GALNT18: variants seen among roughly 807,000 people sequenced by gnomAD.
The protein encoded by GALNT18 is polypeptide N-acetylgalactosaminyltransferase 18.
Under a neutral mutation model 69.5 loss-of-function variants are expected in GALNT18, and 44 were observed. The observed-to-expected ratio is 0.63, with a 90% CI of 0.50 to 0.81. The LOEUF (loss-of-function observed/expected upper bound fraction) is 0.81, where lower values mean the gene tolerates loss of function less well. GALNT18 is among the 40% of genes least tolerant of loss of function. The pLI is 0.00. For synonymous variants in GALNT18, 364 were observed against 318.2 expected, an observed-to-expected ratio of 1.14 and a Z score of -1.53; for missense variants, 715 against 810.0, an observed-to-expected ratio of 0.88 and a Z score of 1.42.
chr11:11,529,562 T>C (rs935884184), intron 1 of GALNT18, among the ~76,000 whole-genome samples: 1 of 152,154 alleles, frequency 6.6e-6, no homozygotes, highest in Non-Finnish European at 1.5e-5. Flanking sequence ...AGCTTACCAA[T>C]TTCAGATCTT....
In GALNT18 at chr11:11,314,843, G is replaced by A. The variant is rs982553456; in HGVS notation, c.1512+12243C>T. Among the ~76,000 whole-genome samples the A allele has an allele frequency of 8.1e-6, 1 of 123,436 alleles. No homozygotes were observed. The highest frequency in any genetic ancestry group is 1.9e-5 in the Non-Finnish European group (1 of 51,454). The allele number at this position is 123,436 out of a possible 152,430, so 81.0% of individuals were successfully genotyped here. A position where few individuals can be genotyped will look rare whatever the true frequency, so the allele number is the denominator to read the frequency against. ...CCCAGCCTTCGCCGTGGGAGCAGTT[G>A]CTCCTGGCTGTGACATAGTAAAACC... On this transcript the variant is annotated intron_variant, in intron 9 of 10. Coordinates refer to ENST00000227756, the MANE Select transcript of GALNT18 (RefSeq NM_198516.3). This position sits in a 1 kb window ranked among gnomAD's most constrained non-coding sequence, Gnocchi z 5.2.
At chr11:11,273,924 C>T (rs1319241403) in intron 10 of GALNT18, among the ~76,000 whole-genome samples, 1 of 152,144 alleles carries the variant, frequency 6.6e-6, no homozygotes, top group African/African-American at 2.4e-5. Flanking sequence ...CTCCGGTCTG[C>T]AGCTCTAAGA....
In GALNT18 at chr11:11,273,243, ACAAT is replaced by A. The variant is rs754215688; in HGVS notation, c.1678-1957_1678-1954del. Among the ~76,000 whole-genome samples the A allele has an allele frequency of 8.4e-4, 110 of 130,216 alleles. 1 individual carries two copies. The highest frequency in any genetic ancestry group is 4.1e-3 in the Middle Eastern group (1 of 242). The allele number at this position is 130,216 out of a possible 152,430, so 85.4% of individuals were successfully genotyped here. ...AAAAAGCTTCTGCACAGCAAAGGAAACAATCAAAGTAAAGAGACAGCCCACAGAA... is the reference window on the plus strand; with the variant it reads ...AAAAAGCTTCTGCACAGCAAAGGAAACAAAGTAAAGAGACAGCCCACAGAA... On this transcript the variant is annotated intron_variant, in intron 10 of 10. Coordinates refer to ENST00000227756, the MANE Select transcript of GALNT18 (RefSeq NM_198516.3).
Position 11,332,678 on chromosome 11 carries a change from G to A in GALNT18, c.1416+16C>T. ...GTCTGTGTCTGAATGAAACCCGGAG[G>A]AGGCCAGCTCCTTACCACTCCATAG... On this transcript the variant is annotated intron_variant, in intron 8 of 10. Coordinates refer to ENST00000227756, the MANE Select transcript of GALNT18 (RefSeq NM_198516.3). This position sits in a 1 kb window ranked among gnomAD's most constrained non-coding sequence, Gnocchi z 4.3. 1.9e-6 allele frequency: 3 copies of A among 1,613,088 alleles called. No individual in the cohort carries two copies. The highest frequency in any genetic ancestry group is 1.1e-5 in the South Asian group (1 of 91,016).
chr11:11,544,020 G>A lies in GALNT18; in HGVS notation c.235+77339C>T, dbSNP rs961243622. On this transcript the variant is annotated intron_variant, in intron 1 of 10. Transcript: ENST00000227756. ...GGATTTTGGGGCCCTGCAATAGTGC[G>A]CACAAGGCTTCCTCGTCAGCACTGA... 2.6e-5 allele frequency among the ~76,000 whole-genome samples: 4 copies of A among 152,292 alleles called. No individual in the cohort carries two copies. The East Asian group carries it at 5.8e-4, about 22-fold the overall frequency.
Position 11,598,994 on chromosome 11 carries a change from C to T in GALNT18, c.235+22365G>A, listed in dbSNP as rs1481865058. On this transcript the variant is annotated intron_variant, in intron 1 of 10. Coordinates refer to ENST00000227756, the MANE Select transcript of GALNT18 (RefSeq NM_198516.3). This position sits in a 1 kb window ranked among gnomAD's most constrained non-coding sequence, Gnocchi z 4.8. ...TTCAATCCTTTGAAATTTATTCAGGCTTGTTTTATGGCCTAGTGTATGGTG... is the reference window on the plus strand; with the variant it reads ...TTCAATCCTTTGAAATTTATTCAGGTTTGTTTTATGGCCTAGTGTATGGTG... Among the ~76,000 whole-genome samples, 2 of 151,626 alleles carry T rather than the reference C, an allele frequency of 1.3e-5. No homozygotes were observed. The highest frequency in any genetic ancestry group is 1.5e-5 in the Non-Finnish European group (1 of 67,872).
Position 11,432,031 on chromosome 11 carries a change from C to T in GALNT18, c.595+590G>A, listed in dbSNP as rs185459644. Among the ~76,000 whole-genome samples the T allele has an allele frequency of 6.6e-6, 1 of 152,274 alleles. No homozygotes were observed. The highest frequency in any genetic ancestry group is 1.9e-4 in the East Asian group (1 of 5,186). On this transcript the variant is annotated intron_variant, in intron 3 of 10. Transcript: ENST00000227756. This position sits in a 1 kb window ranked among gnomAD's most constrained non-coding sequence, Gnocchi z 5.8. ...AGAAAGAGAGTTAGTGATTTGATGG[C>T]TTCAACAAGGTGTTTGCAGGCCACC...
chr11:11,400,538 A>C (rs1256585145), intron 3 of GALNT18, among the ~76,000 whole-genome samples: 1 of 152,194 alleles, frequency 6.6e-6, no homozygotes, highest in Non-Finnish European at 1.5e-5. Flanking sequence ...GAGTGACTTA[A>C]GAACAACAGA....
chr11:11,343,017 TA>T (rs1167881760), intron 6 of GALNT18, among the ~76,000 whole-genome samples: 1 of 152,204 alleles, frequency 6.6e-6, no homozygotes, highest in Non-Finnish European at 1.5e-5. Context: ...AGGCAGTTAT[TA>T]TGCCCAATTC....
intron 9 of GALNT18, among the ~76,000 whole-genome samples, chr11:11,311,055 A>T (rs1385741093): frequency 6.6e-6 from 1 of 152,002 alleles, no homozygotes; most frequent in Non-Finnish European, 1.5e-5. Flanking sequence ...GGCCTTTTGG[A>T]GGTGTATGGG....
intron 1 of GALNT18, among the ~76,000 whole-genome samples, chr11:11,484,593 CAAAAAAAAAAAA>C (rs1159968814): frequency 1.2e-5 from 1 of 83,066 alleles, no homozygotes; most frequent in African/African-American, 5.6e-5. Flanking sequence ...AACTCCATCT[CAAAAAAAAAAAA>C]AAAAAAAAAA....
In GALNT18 at chr11:11,619,935, C is replaced by T. The variant is rs1261903001; in HGVS notation, c.235+1424G>A. On this transcript the variant is annotated intron_variant, in intron 1 of 10. Coordinates refer to ENST00000227756, the MANE Select transcript of GALNT18 (RefSeq NM_198516.3). The surrounding 1 kb of genome is among the most constrained non-coding windows in gnomAD (Gnocchi z 4.9). Reference sequence around the variant, plus strand: ...ATGGGCTTGTTTTGAAGTCATTAGTCAGGAAGCACTATGGATGTGGATGCC... The same window carrying T: ...ATGGGCTTGTTTTGAAGTCATTAGTTAGGAAGCACTATGGATGTGGATGCC... Among the ~76,000 whole-genome samples the T allele has an allele frequency of 1.3e-5, 2 of 152,100 alleles. No homozygotes were observed. Among genetic ancestry groups the T allele is most frequent in the Non-Finnish European group, 2.9e-5 (2 of 68,020 alleles).
intron 9 of GALNT18, among the ~76,000 whole-genome samples, chr11:11,299,062 G>A (rs780695827): frequency 3.9e-5 from 6 of 152,102 alleles, no homozygotes; most frequent in Non-Finnish European, 8.8e-5. Flanking sequence ...AGTGGTGTTC[G>A]GTTGTATAAA....
intron 2 of GALNT18, among the ~76,000 whole-genome samples, chr11:11,446,505 G>T (rs372648998): frequency 6.6e-6 from 1 of 152,156 alleles, no homozygotes; most frequent in East Asian, 1.9e-4. Flanking sequence ...GCCCCTGTGT[G>T]CTGCCCCCAC....
chr11:11,515,383 C>T (rs111874084), intron 1 of GALNT18, among the ~76,000 whole-genome samples: 8 of 152,238 alleles, frequency 5.3e-5, no homozygotes, highest in African/African-American at 1.9e-4. Flanking sequence ...GGTTCGGATA[C>T]ACCCTAGGTC....
chr11:11,351,851 A>G, intron 6 of GALNT18: 1 of 960,870 alleles, frequency 1.0e-6, no homozygotes, highest in Non-Finnish European at 1.6e-6. Flanking sequence ...TTGCTTCTGA[A>G]GTGTTTCACC....
In GALNT18 at chr11:11,432,336, G is replaced by A. The variant is rs78113559; in HGVS notation, c.595+285C>T. On this transcript the variant is annotated intron_variant, in intron 3 of 10. Coordinates refer to ENST00000227756, the MANE Select transcript of GALNT18 (RefSeq NM_198516.3). This position sits in a 1 kb window ranked among gnomAD's most constrained non-coding sequence, Gnocchi z 5.8. ...ACATGTTCACTGTGTACATGGTAGGGTAGGAGGTCAGGGCCTTCTATCTTA... is the reference window on the plus strand; with the variant it reads ...ACATGTTCACTGTGTACATGGTAGGATAGGAGGTCAGGGCCTTCTATCTTA... Among the ~76,000 whole-genome samples, 1,507 of 152,318 alleles carry A rather than the reference G, an allele frequency of 9.9e-3. 29 individuals are homozygous for A. Among genetic ancestry groups the A allele is most frequent in the African/African-American group, 0.035 (1,455 of 41,556 alleles).
intron 1 of GALNT18, among the ~76,000 whole-genome samples, chr11:11,556,461 C>T (rs960105124): frequency 2.6e-5 from 4 of 152,210 alleles, no homozygotes; most frequent in African/African-American, 7.2e-5. Flanking sequence ...ATAAAACTCA[C>T]AAAAAGTGAG....
At position 11,383,346 on chromosome 11, in the gene GALNT18, G is replaced by A. The variant is rs531750366; in HGVS notation, c.596-4082C>T. Among the ~76,000 whole-genome samples the A allele has an allele frequency of 3.9e-5, 6 of 152,290 alleles. No individual in the cohort carries two copies. Among genetic ancestry groups the A allele is most frequent in the African/African-American group, 9.6e-5 (4 of 41,572 alleles). ...TCCACAACCACTAGCAGGCTGAGCC[G>A]GAAGGGTCTGGCATGGAGGCTGTTA... is the stretch of plus-strand genomic sequence containing the variant. On this transcript the variant is annotated intron_variant, in intron 3 of 10. Coordinates refer to ENST00000227756, the MANE Select transcript of GALNT18 (RefSeq NM_198516.3). This position sits in a 1 kb window ranked among gnomAD's most constrained non-coding sequence, Gnocchi z 5.2.
Sources: gnomAD v4.1 joint callset for allele counts (sites outside exome capture counted in the v4.1 genomes callset) on GRCh38, gnomAD v4.1.1 for gene constraint, Gnocchi (gnomAD v3.1) non-coding constraint, MANE v1.5 for transcripts, NCBI Gene and HGNC (gene_info 2026-07-23, HGNC 2026-07-21) for gene names.